The following MIGA1 variants were observed in gnomAD, a reference collection of about 807,000 sequenced individuals.
The protein encoded by MIGA1 is mitoguardin 1.
Under a neutral mutation model 82.0 loss-of-function variants are expected in MIGA1, and 58 were observed. The ratio of observed to expected loss-of-function variants is 0.71; its 90% CI spans 0.57 to 0.88. The LOEUF (loss-of-function observed/expected upper bound fraction) is 0.88. Ranked by LOEUF, MIGA1 falls within the 40% of genes least tolerant of loss-of-function variation. MIGA1 has a pLI of 0.00. For synonymous variants in MIGA1, 249 were observed against 253.6 expected, an observed-to-expected ratio of 0.98 and a Z score of 0.17; for missense variants, 751 against 749.1, an observed-to-expected ratio of 1.00 and a Z score of -0.03.
chr1:77,858,275 C>T (rs574482396), intron 8 of MIGA1, among the ~76,000 whole-genome samples: 39 of 151,256 alleles, frequency 2.6e-4, no homozygotes, highest in Middle Eastern at 6.8e-3. Flanking sequence ...TTAACCTGGG[C>T]GATGGAGGCT....
At chr1:77,805,381 A>C (rs1372060214) in intron 4 of MIGA1, among the ~76,000 whole-genome samples, 1 of 151,254 alleles carries the variant, frequency 6.6e-6, no homozygotes, top group Non-Finnish European at 1.5e-5. Context: ...CTCTTCTAGG[A>C]TAGGAACAGC....
chr1:77,811,377 T>G, intron 5 of MIGA1: 1 of 1,606,304 alleles, frequency 6.2e-7, no homozygotes. Context: ...CACCCTCTTC[T>G]TCATCTTCTT....
At chr1:77,811,988 T>C (rs1057264950) in intron 5 of MIGA1, among the ~76,000 whole-genome samples, 4 of 151,984 alleles carry the variant, frequency 2.6e-5, no homozygotes, top group African/African-American at 9.7e-5. Context: ...CTACAGAAAA[T>C]CAAACAAGAA....
intron 3 of MIGA1, 151 bp downstream of exon 3, chr1:77,801,659 G>A: frequency 1.5e-6 from 1 of 664,726 alleles, no homozygotes; most frequent in South Asian, 3.2e-5. Context: ...ATTAGAAAAT[G>A]TAGATAAGCA....
intron 8 of MIGA1, among the ~76,000 whole-genome samples, chr1:77,854,945 G>T (rs567713651): frequency 1.3e-5 from 2 of 152,096 alleles, no homozygotes; most frequent in Non-Finnish European, 2.9e-5. Flanking sequence ...TTGCTTTTGG[G>T]TTCTTAGTCA....
intron 15 of MIGA1, among the ~76,000 whole-genome samples, chr1:77,873,385 C>T (rs768851698): frequency 2.0e-4 from 31 of 152,140 alleles, no homozygotes; most frequent in Non-Finnish European, 4.0e-4. Context: ...CTTATCAATT[C>T]CCTAATGCAA....
chr1:77,845,587 T>C (rs1159037650), intron 8 of MIGA1, among the ~76,000 whole-genome samples: 7 of 152,200 alleles, frequency 4.6e-5, no homozygotes, highest in African/African-American at 1.4e-4. Context: ...CTAAGAATGC[T>C]TCCATGGTAT....
chr1:77,825,318 C>T (rs991311109), intron 7 of MIGA1, among the ~76,000 whole-genome samples: 1 of 152,080 alleles, frequency 6.6e-6, no homozygotes, highest in Non-Finnish European at 1.5e-5. Context: ...TTCTGTTTCT[C>T]TTATAGGAAT....
intron 15 of MIGA1, among the ~76,000 whole-genome samples, chr1:77,873,906 A>G (rs1404855083): frequency 6.6e-6 from 1 of 152,164 alleles, no homozygotes; most frequent in Admixed American, 6.5e-5. Flanking sequence ...TGACCACCCA[A>G]ATGTAAGGTA....
chr1:77,823,050 C>T (rs903081243), intron 7 of MIGA1, among the ~76,000 whole-genome samples: 9 of 151,536 alleles, frequency 5.9e-5, no homozygotes, highest in Admixed American at 3.3e-4. Flanking sequence ...ACCACGTTGA[C>T]CAGGCTGGTC....
At chr1:77,868,930 T>TA (rs60765896) in intron 14 of MIGA1, among the ~76,000 whole-genome samples, 1 of 149,886 alleles carries the variant, frequency 6.7e-6, no homozygotes, top group African/African-American at 2.5e-5. Flanking sequence ...TTTTTTTTTT[T>TA]AATTTATTTA....
chr1:77,794,822 C>T (rs1379856339), intron 2 of MIGA1, among the ~76,000 whole-genome samples: 2 of 152,160 alleles, frequency 1.3e-5, no homozygotes, highest in East Asian at 3.9e-4. Context: ...CACACACACA[C>T]ACCCCTTGAT....
At chr1:77,791,830 G>A (rs1412182054) in intron 2 of MIGA1, among the ~76,000 whole-genome samples, 2 of 151,846 alleles carry the variant, frequency 1.3e-5, no homozygotes, top group African/African-American at 4.8e-5. Context: ...TCCCAAAGTG[G>A]TGGGATTACA....
chr1:77,877,151 T>TA lies in MIGA1; in HGVS notation c.*2092dup, dbSNP rs1342850185. 1 of 152,182 alleles carries TA rather than the reference T, an allele frequency of 6.6e-6. No homozygotes were observed. Among genetic ancestry groups the TA allele is most frequent in the African/African-American group, 2.4e-5 (1 of 41,452 alleles). The allele number at this position is 152,182 out of a possible 1,614,324, so 9.4% of individuals were successfully genotyped here. A position where few individuals can be genotyped will look rare whatever the true frequency, so the allele number is the denominator to read the frequency against. On this transcript the variant is annotated 3_prime_UTR_variant, in exon 16 of 16. Transcript: ENST00000370791. ...ATGTCTTACTCCTAAAATGCATTTT[T>TA]AAAAAGCGAATTTTTAGATTAAAGT...
At chr1:77,866,543 G>A in intron 14 of MIGA1, 152 bp downstream of exon 14, 2 of 682,948 alleles carry the variant, frequency 2.9e-6, no homozygotes, top group Non-Finnish European at 5.1e-6. Context: ...ACTGGTAGTG[G>A]GTTGGCTTCT....
intron 2 of MIGA1, among the ~76,000 whole-genome samples, chr1:77,790,737 C>T (rs1037517839): frequency 4.0e-5 from 6 of 151,892 alleles, no homozygotes; most frequent in South Asian, 2.1e-4. Context: ...CAGGTGCCCA[C>T]CATCATGCCC....
chr1:77,838,259 T>G (rs896582044), intron 7 of MIGA1, among the ~76,000 whole-genome samples: 1 of 152,210 alleles, frequency 6.6e-6, no homozygotes, highest in Non-Finnish European at 1.5e-5. Context: ...TGGCTCTTCT[T>G]GTAATCCCTT....
At chr1:77,825,135 C>T (rs1201680491) in intron 7 of MIGA1, among the ~76,000 whole-genome samples, 3 of 151,786 alleles carry the variant, frequency 2.0e-5, no homozygotes, top group Admixed American at 1.3e-4. Context: ...ACTGCAGGTG[C>T]GCTGGGGACT....
Position 77,803,399 on chromosome 1 carries a change from T to G in MIGA1, c.503T>G (p.Leu168Trp). The G allele has an allele frequency of 6.6e-7, 1 of 1,511,784 alleles. No individual in the cohort carries two copies. Among genetic ancestry groups the G allele is most frequent in the Non-Finnish European group, 8.8e-7 (1 of 1,130,702 alleles). The allele number at this position is 1,511,784 out of a possible 1,614,324, so 93.6% of individuals were successfully genotyped here. A position where few individuals can be genotyped will look rare whatever the true frequency, so the allele number is the denominator to read the frequency against. Residue 168 changes from leucine (L) to tryptophan (W), a missense_variant, in exon 4 of 16, where the codon TTG becomes TGG. Around this residue, in one of 3 missense-constraint regions of MIGA1, gnomAD observed 482 missense variants for 439.4 expected, o/e 1.10. Transcript: ENST00000370791. ...AAATATTCAGGTTCTGCACAGAGTT[T>G]GGCCTCTGTAAGTACAGAAAAAATA... is the stretch of plus-strand genomic sequence containing the variant.
Sources: allele counts gnomAD v4.1 joint callset (sites outside exome capture counted in the v4.1 genomes callset), GRCh38; gene constraint gnomAD v4.1.1; regional missense constraint gnomAD v4.1.1; transcripts MANE v1.5; gene names NCBI Gene and HGNC (gene_info 2026-07-23, HGNC 2026-07-21).